The following LRRTM4 variants were observed in gnomAD, a reference collection of about 807,000 sequenced individuals.
The protein encoded by LRRTM4 is leucine-rich repeat transmembrane neuronal protein 4.
LRRTM4 carries 25 observed loss-of-function variants against 47.6 expected under a neutral mutation model. The observed-to-expected ratio is 0.53, with a 90% CI of 0.38 to 0.73. LRRTM4 has a LOEUF of 0.73. Ranked by LOEUF, LRRTM4 falls within the 30% of genes least tolerant of loss-of-function variation. LRRTM4 has a pLI of 0.00. For synonymous variants in LRRTM4, 311 were observed against 269.5 expected (o/e 1.15, Z -1.51); for missense variants, 638 against 713.4 (o/e 0.89, Z 1.20).
In LRRTM4 at chr2:77,341,609, G is replaced by A. The variant is rs377001147; in HGVS notation, c.1551+176709C>T. Among the ~76,000 whole-genome samples, 263 of 152,156 alleles carry A rather than the reference G, an allele frequency of 1.7e-3. 1 individual carries two copies. Among genetic ancestry groups the A allele is most frequent in the African/African-American group, 6.0e-3 (250 of 41,548 alleles). On this transcript the variant is annotated intron_variant, in intron 3 of 3. Coordinates refer to ENST00000409884, the MANE Select transcript of LRRTM4 (RefSeq NM_001134745.3). ...AGAACCACGCATGCTGCGGTTTAGC[G>A]TAAGAGAATGGATTCAGTAACTATC...
At chr2:76,833,786 AT>A (rs909225085) in intron 3 of LRRTM4, among the ~76,000 whole-genome samples, 1 of 151,698 alleles carries the variant, frequency 6.6e-6, no homozygotes, top group Non-Finnish European at 1.5e-5. Flanking sequence ...AACTTAAAAT[AT>A]TTTTTCTTAG....
At chr2:76,962,304 C>T (rs1245036657) in intron 3 of LRRTM4, among the ~76,000 whole-genome samples, 15 of 151,100 alleles carry the variant, frequency 9.9e-5, no homozygotes, top group Non-Finnish European at 1.5e-5. Flanking sequence ...CAAAGTAATA[C>T]GTATTGGTGG....
intron 3 of LRRTM4, among the ~76,000 whole-genome samples, chr2:77,092,896 G>A (rs1220308959): frequency 6.8e-6 from 1 of 146,782 alleles, no homozygotes; most frequent in African/African-American, 2.7e-5. Context: ...ATGGACTAAA[G>A]GTCTTTTAAA....
intron 3 of LRRTM4, among the ~76,000 whole-genome samples, chr2:77,136,469 C>G (rs1287543442): frequency 6.6e-6 from 1 of 152,144 alleles, no homozygotes; most frequent in Non-Finnish European, 1.5e-5. Context: ...CACCAAAACC[C>G]CATCTGTATG....
chr2:76,780,549 A>T (rs1462809050), intron 3 of LRRTM4, among the ~76,000 whole-genome samples: 1 of 152,096 alleles, frequency 6.6e-6, no homozygotes, highest in African/African-American at 2.4e-5. Context: ...AGTTGATCGC[A>T]TCGGCTCCTG....
At chr2:76,947,332 G>T (rs914847251) in intron 3 of LRRTM4, among the ~76,000 whole-genome samples, 2 of 151,768 alleles carry the variant, frequency 1.3e-5, no homozygotes, top group African/African-American at 2.4e-5. Flanking sequence ...AGAGTTAAAA[G>T]CTAGATTTGA....
At chr2:77,461,955 T>C (rs1436146491) in intron 3 of LRRTM4, among the ~76,000 whole-genome samples, 2 of 152,258 alleles carry the variant, frequency 1.3e-5, no homozygotes, top group South Asian at 2.1e-4. Context: ...AGTCAGTCCA[T>C]AACACTTGAG....
rs368368874 is a variant in LRRTM4, at chr2:77,354,039, CAT to C, written c.1551+164277_1551+164278del. Among the ~76,000 whole-genome samples the C allele has an allele frequency of 4.8e-4, 73 of 152,242 alleles. 1 individual carries two copies. In the South Asian group the frequency reaches 0.015, roughly 31 times the overall value. ...TCATATTTATACCCACTTTTAATTA[CAT>C]GCAAATTAAGGGGTAGGTTATTCTA... is the stretch of plus-strand genomic sequence containing the variant. On this transcript the variant is annotated intron_variant, in intron 3 of 3. Coordinates refer to ENST00000409884, the MANE Select transcript of LRRTM4 (RefSeq NM_001134745.3).
chr2:77,131,126 G>A (rs1314002952), intron 3 of LRRTM4, among the ~76,000 whole-genome samples: 12 of 152,050 alleles, frequency 7.9e-5, no homozygotes, highest in Non-Finnish European at 1.0e-4. Flanking sequence ...CAGCCACCGC[G>A]CCCGGCCTGG....
At chr2:77,256,870 CCAAA>C (rs1417066010) in intron 3 of LRRTM4, among the ~76,000 whole-genome samples, 3 of 151,862 alleles carry the variant, frequency 2.0e-5, no homozygotes, top group Non-Finnish European at 2.9e-5. Flanking sequence ...AGGGAGGGAA[CCAAA>C]CAGTGTTCCT....
chr2:76,771,657 AGAAAAAG>A (rs1349745921), intron 3 of LRRTM4, among the ~76,000 whole-genome samples: 14 of 67,724 alleles, frequency 2.1e-4, no homozygotes, highest in African/African-American at 1.1e-3. Flanking sequence ...AAAAAAAAAA[AGAAAAAG>A]AAAAGAAGAA....
At chr2:77,220,857 C>G (rs565531160) in intron 3 of LRRTM4, among the ~76,000 whole-genome samples, 3 of 152,086 alleles carry the variant, frequency 2.0e-5, no homozygotes, top group African/African-American at 4.8e-5. Flanking sequence ...ACAGAGAACG[C>G]CACAAAGATA....
intron 3 of LRRTM4, among the ~76,000 whole-genome samples, chr2:77,407,020 AT>A (rs1343012591): frequency 6.6e-6 from 1 of 152,156 alleles, no homozygotes; most frequent in Non-Finnish European, 1.5e-5. Context: ...AATAAAGCCA[AT>A]GTTTTAAATA....
intron 3 of LRRTM4, among the ~76,000 whole-genome samples, chr2:76,871,892 A>G (rs1189848154): frequency 6.6e-6 from 1 of 152,218 alleles, no homozygotes; most frequent in African/African-American, 2.4e-5. Flanking sequence ...CCTGCAAGGA[A>G]GTGAATCCTT....
intron 3 of LRRTM4, among the ~76,000 whole-genome samples, chr2:76,903,827 G>C (rs549389488): frequency 6.6e-6 from 1 of 152,264 alleles, no homozygotes; most frequent in African/African-American, 2.4e-5. Context: ...AGGTGGCATC[G>C]AGAAAAGGTG....
intron 3 of LRRTM4, among the ~76,000 whole-genome samples, chr2:76,798,602 C>G (rs370850648): frequency 7.1e-4 from 106 of 149,066 alleles, no homozygotes; most frequent in East Asian, 2.0e-3. Flanking sequence ...ACTAAAATCA[C>G]AGCAGAACTG....
At chr2:77,037,861 T>C (rs545357860) in intron 3 of LRRTM4, among the ~76,000 whole-genome samples, 6 of 151,722 alleles carry the variant, frequency 4.0e-5, no homozygotes, top group African/African-American at 7.2e-5. Context: ...TTCATATTAA[T>C]GCACTTGGTA....
intron 3 of LRRTM4, among the ~76,000 whole-genome samples, chr2:76,807,408 G>A (rs201823083): frequency 0.15 from 5,768 of 39,724 alleles, 314 homozygotes; most frequent in African/African-American, 0.27. Context: ...ATGTATATAC[G>A]TATATATATA....
At chr2:77,451,070 T>C (rs944766177) in intron 3 of LRRTM4, among the ~76,000 whole-genome samples, 7 of 152,158 alleles carry the variant, frequency 4.6e-5, no homozygotes, top group East Asian at 1.9e-4. Context: ...TTGGAGAGTA[T>C]CATATCCACA....
Sources: allele counts gnomAD v4.1 joint callset (sites outside exome capture counted in the v4.1 genomes callset), GRCh38; gene constraint gnomAD v4.1.1; transcripts MANE v1.5; gene names NCBI Gene and HGNC (gene_info 2026-07-23, HGNC 2026-07-21).